The following DPF3 variants were observed in gnomAD, a reference collection of about 807,000 sequenced individuals.
The protein encoded by DPF3 is zinc finger protein DPF3.
In DPF3, 18 loss-of-function variants were observed where a neutral mutation model predicts 56.8. The observed-to-expected ratio is 0.32, with a 90% CI of 0.22 to 0.47. The LOEUF is 0.47. Among genes scored for constraint, DPF3 ranks in the 20% least tolerant of loss-of-function variants. The pLI, the probability that DPF3 is intolerant of heterozygous loss-of-function variation, is 1.00. For synonymous variants in DPF3, 188 were observed against 180.2 expected, an observed-to-expected ratio of 1.04 and a Z score of -0.35; for missense variants, 403 against 488.8, an observed-to-expected ratio of 0.82 and a Z score of 1.65.
intron 6 of DPF3, 31 bp from the exon 7 acceptor site, chr14:72,693,244 A>G (rs773206982): frequency 1.9e-6 from 3 of 1,611,418 alleles, no homozygotes; most frequent in Non-Finnish European, 2.5e-6. Context: ...AAAGGGAGAG[A>G]TACAAATATT....
intron 5 of DPF3, among the ~76,000 whole-genome samples, chr14:72,716,286 ACT>A (rs1226676680): frequency 1.3e-5 from 2 of 151,916 alleles, no homozygotes; most frequent in African/African-American, 4.8e-5. Flanking sequence ...CAGCAGAGTG[ACT>A]CTGTGCCACA....
intron 6 of DPF3, among the ~76,000 whole-genome samples, chr14:72,696,580 CAGG>C (rs1434409304): frequency 6.6e-6 from 1 of 152,178 alleles, no homozygotes; most frequent in Non-Finnish European, 1.5e-5. Flanking sequence ...GTGGGAAGGC[CAGG>C]AGATGGGCGA....
chr14:72,714,402 G>A (rs748080302), intron 6 of DPF3, 21 bp downstream of exon 6: 4 of 1,612,760 alleles, frequency 2.5e-6, no homozygotes, highest in Non-Finnish European at 3.4e-6. Context: ...AGGAAGGAAG[G>A]TGGGACCGGC....
At chr14:72,649,962 C>A (rs981657540) in intron 8 of DPF3, among the ~76,000 whole-genome samples, 1 of 152,196 alleles carries the variant, frequency 6.6e-6, no homozygotes, top group Non-Finnish European at 1.5e-5. Context: ...AAAGACCCTT[C>A]CCCTGACACA....
intron 3 of DPF3, among the ~76,000 whole-genome samples, chr14:72,743,528 C>A (rs1313180135): frequency 6.6e-6 from 1 of 150,900 alleles, no homozygotes; most frequent in Admixed American, 6.6e-5. Flanking sequence ...TTGATCTAAG[C>A]AGACTATCTG....
chr14:72,633,952 T>C (rs1885302828), intron 8 of DPF3, among the ~76,000 whole-genome samples: 1 of 152,216 alleles, frequency 6.6e-6, no homozygotes, highest in Admixed American at 6.5e-5. Context: ...TGGAAATGCC[T>C]GTTGGAAGTT....
At chr14:72,728,437 A>G (rs957404236) in intron 4 of DPF3, among the ~76,000 whole-genome samples, 1 of 152,168 alleles carries the variant, frequency 6.6e-6, no homozygotes, top group African/African-American at 2.4e-5. Context: ...AAGGCTGAAG[A>G]ACAGAGCGGC....
intron 6 of DPF3, 110 bp downstream of exon 6, chr14:72,714,313 G>T (rs1888798260): frequency 7.4e-7 from 1 of 1,359,442 alleles, no homozygotes; most frequent in Middle Eastern, 2.2e-4. Context: ...CAGAGGAAGA[G>T]GAGAGCACAC....
At chr14:72,831,281 C>T (rs906069982) in intron 1 of DPF3, among the ~76,000 whole-genome samples, 11 of 152,140 alleles carry the variant, frequency 7.2e-5, no homozygotes, top group African/African-American at 2.4e-4. Context: ...CCTGCCATTT[C>T]CTTCTAGTAG....
At chr14:72,650,422 A>G (rs1358849832) in intron 8 of DPF3, among the ~76,000 whole-genome samples, 2 of 152,230 alleles carry the variant, frequency 1.3e-5, no homozygotes, top group African/African-American at 4.8e-5. Context: ...GGCTTGGGAG[A>G]GAACACTCCA....
At chr14:72,703,181 C>T (rs1021611621) in intron 6 of DPF3, among the ~76,000 whole-genome samples, 4 of 152,154 alleles carry the variant, frequency 2.6e-5, no homozygotes, top group African/African-American at 7.2e-5. Context: ...CCACCCTGCA[C>T]GATTGGCAGC....
intron 3 of DPF3, among the ~76,000 whole-genome samples, chr14:72,750,678 A>AT (rs1890529106): frequency 1.3e-5 from 2 of 148,792 alleles, no homozygotes; most frequent in African/African-American, 4.9e-5. Context: ...TCTAAGGCAC[A>AT]TTTTTAATTG....
At chr14:72,673,463 C>G (rs1886777596) in intron 8 of DPF3, among the ~76,000 whole-genome samples, 1 of 152,146 alleles carries the variant, frequency 6.6e-6, no homozygotes. Flanking sequence ...ATAGGTAGTA[C>G]CAACCAACCA....
At chr14:72,756,245 A>T (rs1890784086) in intron 2 of DPF3, among the ~76,000 whole-genome samples, 1 of 152,228 alleles carries the variant, frequency 6.6e-6, no homozygotes, top group African/African-American at 2.4e-5. Context: ...CTGCAACTCG[A>T]GCTACAACAT....
intron 3 of DPF3, among the ~76,000 whole-genome samples, chr14:72,746,097 C>T (rs983905844): frequency 6.6e-6 from 1 of 152,230 alleles, no homozygotes; most frequent in African/African-American, 2.4e-5. Flanking sequence ...AACGTCCACC[C>T]CCCAGGGGGC....
chr14:72,737,382 T>C lies in DPF3; in HGVS notation c.302-5448A>G, dbSNP rs543308475. Among the ~76,000 whole-genome samples the C allele has an allele frequency of 4.7e-4, 71 of 151,984 alleles. 1 individual carries two copies. Among genetic ancestry groups the C allele is most frequent in the Middle Eastern group, 6.8e-3 (2 of 294 alleles). On this transcript the variant is annotated intron_variant, in intron 3 of 10. Transcript: ENST00000556509. ...CACTGAAAGCAAAGCTTCCACTGGG[T>C]TGTTGGAGCCACCGAGCTCATTAAC... is the stretch of plus-strand genomic sequence containing the variant.
chr14:72,831,556 A>G (rs796535355), intron 1 of DPF3, among the ~76,000 whole-genome samples: 15 of 152,312 alleles, frequency 9.8e-5, no homozygotes, highest in African/African-American at 3.1e-4. Context: ...CAGGGGATCC[A>G]AGCCCTCGTT....
intron 3 of DPF3, among the ~76,000 whole-genome samples, 190 bp from the exon 4 acceptor site, chr14:72,732,124 GA>G: frequency 6.6e-6 from 1 of 152,330 alleles, no homozygotes; most frequent in Non-Finnish European, 1.5e-5. Flanking sequence ...TCCAGAGACA[GA>G]TTCCGACCAT....
chr14:72,735,836 T>C (rs550795961), intron 3 of DPF3, among the ~76,000 whole-genome samples: 1 of 152,190 alleles, frequency 6.6e-6, no homozygotes, highest in Non-Finnish European at 1.5e-5. Context: ...GAATCAAACA[T>C]GGCAATGTGC....
Sources: gnomAD v4.1 joint callset for allele counts (sites outside exome capture counted in the v4.1 genomes callset) on GRCh38, gnomAD v4.1.1 for gene constraint, MANE v1.5 for transcripts, NCBI Gene and HGNC (gene_info 2026-07-23, HGNC 2026-07-21) for gene names.